MPPED1: variants seen among roughly 807,000 people sequenced by gnomAD.
The protein encoded by MPPED1 is metallophosphoesterase domain-containing protein 1.
MPPED1 carries 16 observed loss-of-function variants against 36.2 expected under a neutral mutation model. That is an observed-to-expected ratio of 0.44 (90% confidence interval 0.30 to 0.67). MPPED1 has a LOEUF of 0.67. Ranked by LOEUF, MPPED1 falls within the 30% of genes least tolerant of loss-of-function variation. MPPED1 has a pLI of 0.10. For synonymous variants in MPPED1, 199 were observed against 191.3 expected (o/e 1.04, Z -0.33); for missense variants, 307 against 453.4 (o/e 0.68, Z 2.93).
intron 1 of MPPED1, among the ~76,000 whole-genome samples, chr22:43,413,379 C>CAAA (rs569176150): frequency 1.8e-5 from 2 of 111,696 alleles, no homozygotes; most frequent in Admixed American, 8.9e-5. Flanking sequence ...CTGGACTTTG[C>CAAA]AAAAAAAAAA....
intron 3 of MPPED1, among the ~76,000 whole-genome samples, chr22:43,449,431 G>GC (rs902702389): frequency 1.5e-4 from 11 of 72,170 alleles, no homozygotes; most frequent in African/African-American, 3.3e-4. Flanking sequence ...AACCCCCCCC[G>GC]CCCCCCCTCC....
At chr22:43,497,450 A>T (rs1389506115) in intron 4 of MPPED1, among the ~76,000 whole-genome samples, 3 of 152,046 alleles carry the variant, frequency 2.0e-5, no homozygotes, top group Non-Finnish European at 2.9e-5. Context: ...ACAGCTGCCC[A>T]CAGCTCCCAA....
chr22:43,422,511 GC>G (rs1378567956), intron 1 of MPPED1, among the ~76,000 whole-genome samples: 3 of 152,134 alleles, frequency 2.0e-5, no homozygotes, highest in Non-Finnish European at 4.4e-5. Context: ...TATCAGAGAA[GC>G]CACCGCAAGG....
chr22:43,421,592 A>G (rs533039585), intron 1 of MPPED1, among the ~76,000 whole-genome samples: 1 of 152,326 alleles, frequency 6.6e-6, no homozygotes, highest in South Asian at 2.1e-4. Flanking sequence ...GAGAGGGGGC[A>G]GTGACTCTTC....
rs373793352 is a variant in MPPED1 at position 43,484,813 on chromosome 22, G to C, written c.632+9852G>C. ...GGCTGCTTGAGGGGCTTGGGAGCCA[G>C]CTGGTACGTGCCATGGATGAGGGGG... On this transcript the variant is annotated intron_variant, in intron 4 of 6. Transcript: ENST00000443721. Among the ~76,000 whole-genome samples the C allele has an allele frequency of 2.8e-4, 43 of 152,246 alleles. No homozygotes were observed. The East Asian group carries it at 7.3e-3, about 26-fold the overall frequency.
At chr22:43,500,046 ATGGGGGTGG>A (rs1932617405) in intron 5 of MPPED1, among the ~76,000 whole-genome samples, 1 of 20,888 alleles carries the variant, frequency 4.8e-5, no homozygotes, top group Non-Finnish European at 8.5e-5. Context: ...GGAGGTGGTG[ATGGGGGTGG>A]TGGTGGTGAT....
intron 4 of MPPED1, among the ~76,000 whole-genome samples, chr22:43,477,939 TCAAA>T (rs200043438): frequency 1.9e-4 from 29 of 151,682 alleles, no homozygotes; most frequent in Admixed American, 1.9e-3. Flanking sequence ...AAGGCCTGGC[TCAAA>T]GGAAGGCCCT....
intron 3 of MPPED1, among the ~76,000 whole-genome samples, chr22:43,451,274 C>T (rs548402431): frequency 3.5e-4 from 54 of 152,234 alleles, no homozygotes; most frequent in African/African-American, 1.2e-3. Flanking sequence ...CAAAATGCTG[C>T]AATTACCGGT....
intron 5 of MPPED1, among the ~76,000 whole-genome samples, chr22:43,500,304 A>G (rs1041797809): frequency 5.3e-3 from 65 of 12,266 alleles, no homozygotes; most frequent in Middle Eastern, 0.038. Flanking sequence ...GGTGGTGGTG[A>G]TGGTGATGGA....
intron 3 of MPPED1, among the ~76,000 whole-genome samples, chr22:43,450,488 C>G (rs952423627): frequency 2.0e-5 from 3 of 152,252 alleles, no homozygotes; most frequent in Non-Finnish European, 2.9e-5. Flanking sequence ...TCTGCTCTTC[C>G]CAGCCATATG....
At chr22:43,491,474 G>A (rs1469930821) in intron 4 of MPPED1, among the ~76,000 whole-genome samples, 1 of 151,864 alleles carries the variant, frequency 6.6e-6, no homozygotes, top group Non-Finnish European at 1.5e-5. Context: ...TGGAGGTGGT[G>A]GTGGTGGTGA....
At chr22:43,483,113 A>C (rs1602003284) in intron 4 of MPPED1, among the ~76,000 whole-genome samples, 1 of 152,228 alleles carries the variant, frequency 6.6e-6, no homozygotes, top group Non-Finnish European at 1.5e-5. Context: ...CTGGGCCTGC[A>C]TGGCAGGGAG....
Position 43,489,244 on chromosome 22 carries a change from C to G in MPPED1, c.633-8991C>G, listed in dbSNP as rs190581523. 9.6e-4 allele frequency among the ~76,000 whole-genome samples: 146 copies of G among 152,240 alleles called. 1 individual carries two copies. Among genetic ancestry groups the G allele is most frequent in the African/African-American group, 3.3e-3 (136 of 41,550 alleles). The stretch of plus-strand genomic sequence containing the variant: ...ACTTCGCCTCCAGGAGGGGCTGCTT[C>G]TTTTGTCTCCTCTGCCCAGGGCAGA... On this transcript the variant is annotated intron_variant, in intron 4 of 6. Transcript: ENST00000443721.
intron 4 of MPPED1, among the ~76,000 whole-genome samples, chr22:43,477,224 C>T (rs1931604149): frequency 6.6e-6 from 1 of 152,232 alleles, no homozygotes; most frequent in Non-Finnish European, 1.5e-5. Flanking sequence ...CTTCTTGGGC[C>T]TGTCACTTGA....
Position 43,447,883 on chromosome 22 carries a change from A to ATATATATATATATATT in MPPED1, c.406+12669_406+12670insATATATATATATATTT, listed in dbSNP as rs1321289636. ...ATTATATATATATATATATATATAT[A>ATATATATATATATATT]TTTTTTTTTTTTTTAGACAAAGTCT... On this transcript the variant is annotated intron_variant, in intron 3 of 6. Transcript: ENST00000443721. Among the ~76,000 whole-genome samples the ATATATATATATATATT allele has an allele frequency of 7.2e-3, 487 of 67,640 alleles. 5 individuals carry two copies. The highest frequency in any genetic ancestry group is 9.5e-3 in the Non-Finnish European group (361 of 37,978). 44.4% of individuals were successfully genotyped at this position (67,640 alleles called of 152,430 possible).
chr22:43,450,292 C>G (rs530022059), intron 3 of MPPED1, among the ~76,000 whole-genome samples: 10 of 152,344 alleles, frequency 6.6e-5, no homozygotes, highest in African/African-American at 2.4e-4. Flanking sequence ...CCGGTCCTGC[C>G]TGGCCACATG....
intron 4 of MPPED1, among the ~76,000 whole-genome samples, chr22:43,484,497 CT>C (rs201337761): frequency 0.016 from 2,476 of 152,324 alleles, 34 homozygotes; most frequent in African/African-American, 0.032. Context: ...CCCTGCTGAG[CT>C]TTGGGCTTCT....
intron 3 of MPPED1, among the ~76,000 whole-genome samples, chr22:43,438,180 T>C (rs1018026351): frequency 2.0e-5 from 3 of 152,050 alleles, no homozygotes; most frequent in Non-Finnish European, 2.9e-5. Flanking sequence ...AGCCATTCAT[T>C]AGAGAGAGCT....
chr22:43,431,003 T>C (rs1929658439), intron 2 of MPPED1, among the ~76,000 whole-genome samples: 1 of 150,048 alleles, frequency 6.7e-6, no homozygotes, highest in Admixed American at 6.7e-5. Context: ...TCACTGTCTC[T>C]TTCTACTGTT....
Sources: gnomAD v4.1 joint callset for allele counts (sites outside exome capture counted in the v4.1 genomes callset) on GRCh38, gnomAD v4.1.1 for gene constraint, MANE v1.5 for transcripts, NCBI Gene and HGNC (gene_info 2026-07-23, HGNC 2026-07-21) for gene names.